Variants in ASXL3 observed in about 807,000 individuals in gnomAD.
ASXL3 encodes the protein putative Polycomb group protein ASXL3.
ASXL3 carries 34 observed loss-of-function variants against 170.6 expected under a neutral mutation model. The ratio of observed to expected loss-of-function variants is 0.20; its 90% confidence interval spans 0.15 to 0.27. The LOEUF (loss-of-function observed/expected upper bound fraction) is 0.27. ASXL3 is among the 10% of genes least tolerant of loss of function. The probability of loss-of-function intolerance (pLI) is 1.00; values close to 1 mark genes in which losing one functional copy is unlikely to be tolerated. For missense variants in ASXL3, 2,592 were observed against 2,695.3 expected (o/e 0.96, Z 0.85); for synonymous variants, 1,002 against 989.1 (o/e 1.01, Z -0.24).
chr18:33,729,535 T>TAC (rs1188617390), intron 8 of ASXL3, among the ~76,000 whole-genome samples: 1 of 152,152 alleles, frequency 6.6e-6, no homozygotes, highest in Non-Finnish European at 1.5e-5. Context: ...CTTCCTCTTG[T>TAC]ACCACTCAGA....
At position 33,713,259 on chromosome 18, in the gene ASXL3, T is replaced by TTG. The variant is rs1568343546; in HGVS notation, c.880-18708_880-18707insGT. On this transcript the variant is annotated intron_variant, in intron 8 of 11. Transcript: ENST00000269197. ...TTTTGTTTTGTTTTGTTTTTTTTTT[T>TTG]TTTTTTTTTTTTTTTGAGACAGGGT... Among the ~76,000 whole-genome samples the TTG allele has an allele frequency of 1.4e-3, 166 of 115,534 alleles. 1 individual carries two copies. The highest frequency in any genetic ancestry group is 5.2e-3 in the African/African-American group (150 of 28,902). 75.8% of individuals were successfully genotyped at this position (115,534 alleles called of 152,430 possible).
In ASXL3 at chr18:33,601,785, G is replaced by GTATATATATATATATATA. The variant is rs1555717840; in HGVS notation, c.55-5799_55-5798insTATATATATATATATATA. Among the ~76,000 whole-genome samples, 54 of 103,938 alleles carry GTATATATATATATATATA rather than the reference G, an allele frequency of 5.2e-4. 3 individuals carry two copies. Among genetic ancestry groups the GTATATATATATATATATA allele is most frequent in the African/African-American group, 1.4e-3 (39 of 28,856 alleles). The allele number at this position is 103,938 out of a possible 152,430, so 68.2% of individuals were successfully genotyped here. ...TGAGAATTTAAGTAAATATCTGATT[G>GTATATATATATATATATA]TATATATATAGTTTGTTTGTTTTGA... On this transcript the variant is annotated intron_variant, in intron 1 of 11. Coordinates refer to ENST00000269197, the MANE Select transcript of ASXL3 (RefSeq NM_030632.3).
chr18:33,743,542 A>C lies in ASXL3; in HGVS notation c.3694A>C (p.Asn1232His). 6.2e-7 allele frequency: 1 copy of C among 1,613,344 alleles called. No individual in the cohort carries two copies. Among genetic ancestry groups the C allele is most frequent in the Non-Finnish European group, 8.5e-7 (1 of 1,179,884 alleles). ...SENSSVPMLF[N>H]KNSVPVSVCS... ...AAATAGCAGTGTGCCCATGCTTTTT[A>C]ATAAAAATTCTGTCCCTGTATCTGT... Residue 1232 changes from asparagine to histidine, a missense_variant, in exon 12 of 12, where the codon AAT becomes CAT. Asn to His is a moderately conservative substitution (Grantham distance 68). Transcript: ENST00000269197.
intron 8 of ASXL3, among the ~76,000 whole-genome samples, chr18:33,730,211 A>G (rs2067419965): frequency 6.6e-6 from 1 of 152,066 alleles, no homozygotes; most frequent in South Asian, 2.1e-4. Context: ...ATGGTGCCAA[A>G]CATCCGACAT....
intron 8 of ASXL3, among the ~76,000 whole-genome samples, chr18:33,726,444 A>G (rs1328687048): frequency 1.3e-5 from 2 of 152,178 alleles, no homozygotes; most frequent in Non-Finnish European, 2.9e-5. Context: ...TGAGAACTAG[A>G]AATACGGCTC....
chr18:33,630,583 AAGTT>A (rs549746613), intron 2 of ASXL3, among the ~76,000 whole-genome samples: 133 of 152,114 alleles, frequency 8.7e-4, no homozygotes, highest in African/African-American at 3.1e-3. Context: ...ACTAGTGGTT[AAGTT>A]AGTTATTTTT....
At chr18:33,721,594 A>G (rs2067261171) in intron 8 of ASXL3, among the ~76,000 whole-genome samples, 2 of 152,114 alleles carry the variant, frequency 1.3e-5, no homozygotes, top group African/African-American at 2.4e-5. Context: ...TTAAAACTCC[A>G]TCATAACAAT....
chr18:33,595,052 C>T (rs964193348), intron 1 of ASXL3, among the ~76,000 whole-genome samples: 3 of 152,074 alleles, frequency 2.0e-5, no homozygotes, highest in Non-Finnish European at 4.4e-5. Flanking sequence ...CTGTAGAAAG[C>T]CTGTGGTCTA....
intron 5 of ASXL3, among the ~76,000 whole-genome samples, chr18:33,669,202 T>C (rs2066304092): frequency 6.6e-6 from 1 of 152,226 alleles, no homozygotes; most frequent in Non-Finnish European, 1.5e-5. Context: ...TGTGCAATTA[T>C]GTATACATCT....
At chr18:33,705,133 C>T (rs966933170) in intron 8 of ASXL3, among the ~76,000 whole-genome samples, 5 of 151,682 alleles carry the variant, frequency 3.3e-5, no homozygotes, top group Admixed American at 6.6e-5. Context: ...CTTCAATATA[C>T]AGTTGATTCT....
At chr18:33,585,681 T>C (rs533415671) in intron 1 of ASXL3, among the ~76,000 whole-genome samples, 1 of 152,348 alleles carries the variant, frequency 6.6e-6, no homozygotes, top group Admixed American at 6.5e-5. Context: ...AACATTGCCT[T>C]TAATATCTGA....
intron 4 of ASXL3, among the ~76,000 whole-genome samples, chr18:33,659,680 G>T (rs995187663): frequency 2.0e-5 from 3 of 152,006 alleles, no homozygotes; most frequent in African/African-American, 7.2e-5. Context: ...CTTTGGCAAG[G>T]TGTTAAAAAT....
chr18:33,634,105 T>A (rs1363925926), intron 2 of ASXL3, among the ~76,000 whole-genome samples: 1 of 152,118 alleles, frequency 6.6e-6, no homozygotes, highest in African/African-American at 2.4e-5. Flanking sequence ...GGAGGACTTT[T>A]AACTGGGTAT....
chr18:33,595,298 C>T (rs1299618992), intron 1 of ASXL3, among the ~76,000 whole-genome samples: 3 of 152,270 alleles, frequency 2.0e-5, no homozygotes, highest in Admixed American at 6.5e-5. Flanking sequence ...ATACACCCTG[C>T]TTCTCAGAAT....
chr18:33,663,465 A>G (rs1321182740), intron 5 of ASXL3, among the ~76,000 whole-genome samples: 1 of 152,128 alleles, frequency 6.6e-6, no homozygotes, highest in Non-Finnish European at 1.5e-5. Context: ...TTTTACGATT[A>G]CTAAAACATT....
chr18:33,691,023 C>A (rs1403484979), intron 8 of ASXL3, among the ~76,000 whole-genome samples: 1 of 152,192 alleles, frequency 6.6e-6, no homozygotes, highest in Non-Finnish European at 1.5e-5. Flanking sequence ...TACCCCTCTC[C>A]CCTTCTCTAC....
chr18:33,713,229 GTTTTTTTT>G (rs2067100038), intron 8 of ASXL3, among the ~76,000 whole-genome samples: 1 of 81,760 alleles, frequency 1.2e-5, no homozygotes, highest in African/African-American at 6.2e-5. Context: ...CCACAAGAAG[GTTTTTTTT>G]GTTTTGTTTT....
chr18:33,643,118 G>C (rs1159901074), intron 2 of ASXL3, among the ~76,000 whole-genome samples: 1 of 151,716 alleles, frequency 6.6e-6, no homozygotes, highest in Non-Finnish European at 1.5e-5. Context: ...CTGTATTTCT[G>C]ACAGTTCTAC....
rs1463597087 is a variant in ASXL3 at position 33,743,637 on chromosome 18, C to A, written c.3789C>A (p.Val1263=). The A allele has an allele frequency of 4.3e-6, 7 of 1,613,542 alleles. No individual in the cohort carries two copies. The East Asian group carries it at 1.3e-4, about 31-fold the overall frequency. The stretch of plus-strand genomic sequence containing the variant: ...TGAGTTCTGTTGATAAATCCTCTGT[C>A]CTAATGTCTGTTGACAGTGCAAACA... The part of the protein sequence containing the change: ...PFVSSVDKSS[V]LMSVDSANTT... The change falls in exon 12 of 12, where the codon GTC becomes GTA. Residue 1263 remains valine, a synonymous_variant. Coordinates refer to ENST00000269197, the MANE Select transcript of ASXL3 (RefSeq NM_030632.3).
Sources: allele counts gnomAD v4.1 joint callset (sites outside exome capture counted in the v4.1 genomes callset), GRCh38; gene constraint gnomAD v4.1.1; transcripts MANE v1.5; gene names NCBI Gene and HGNC (gene_info 2026-07-23, HGNC 2026-07-21).